NCS1: variants seen among roughly 807,000 people sequenced by gnomAD.
The protein encoded by NCS1 is neuronal calcium sensor 1, also known as frequenin homolog.
A neutral mutation model predicts 28.4 loss-of-function variants in NCS1; 6 were observed. The ratio of observed to expected loss-of-function variants is 0.21; its 90% CI spans 0.12 to 0.42. The LOEUF is 0.42. Among genes scored for constraint, NCS1 ranks in the 10% least tolerant of loss-of-function variants. The pLI is 1.00. For synonymous variants in NCS1, 86 were observed against 99.3 expected, an observed-to-expected ratio of 0.87 and a Z score of 0.79; for missense variants, 131 against 241.4, an observed-to-expected ratio of 0.54 and a Z score of 3.03.
Position 130,226,987 on chromosome 9 carries a change from C to T in NCS1, c.*17+483C>T, listed in dbSNP as rs376669161. ...GCAGTGAGCCGAGATCGTGCCACTG[C>T]ACTCCAGCCTGGGTAACAGAGTGAG... On this transcript the variant is annotated intron_variant, in intron 7 of 7. Transcript: ENST00000372398. This position sits in a 1 kb window ranked among gnomAD's most constrained non-coding sequence, Gnocchi z 4.8. 7.1e-6 allele frequency among the ~76,000 whole-genome samples: 1 copy of T among 141,508 alleles called. No individual in the cohort carries two copies. Among genetic ancestry groups the T allele is most frequent in the East Asian group, 2.1e-4 (1 of 4,862 alleles). 92.8% of individuals were successfully genotyped at this position (141,508 alleles called of 152,430 possible).
Position 130,183,303 on chromosome 9 carries a change from G to A in NCS1, c.64+10576G>A, listed in dbSNP as rs1471701882. 5.2e-5 allele frequency among the ~76,000 whole-genome samples: 7 copies of A among 135,278 alleles called. No homozygotes were observed. The East Asian group carries it at 8.4e-4, about 16-fold the overall frequency. 88.7% of individuals were successfully genotyped at this position (135,278 alleles called of 152,430 possible). A position where few individuals can be genotyped will look rare whatever the true frequency, so the allele number is the denominator to read the frequency against. On this transcript the variant is annotated intron_variant, in intron 1 of 7. Coordinates refer to ENST00000372398, the MANE Select transcript of NCS1 (RefSeq NM_014286.4). ...TCAGCTCCGGGTGCCCTGACCATGC[G>A]GCTGGGGGGGGGAGCTCCTTGCCCA...
chr9:130,208,821 A>G (rs1833068433), intron 2 of NCS1, among the ~76,000 whole-genome samples: 1 of 152,140 alleles, frequency 6.6e-6, no homozygotes, highest in South Asian at 2.1e-4. Context: ...CCCATTTTAC[A>G]GATGAAGAGA....
At chr9:130,221,066 C>T (rs879984174) in intron 4 of NCS1, among the ~76,000 whole-genome samples, 2 of 152,028 alleles carry the variant, frequency 1.3e-5, no homozygotes, top group African/African-American at 2.4e-5. Flanking sequence ...CTCTGTTGCT[C>T]AGGCTGGAGT....
intron 2 of NCS1, among the ~76,000 whole-genome samples, chr9:130,202,856 A>G (rs1184733759): frequency 1.3e-5 from 2 of 152,172 alleles, no homozygotes; most frequent in Non-Finnish European, 1.5e-5. Flanking sequence ...CTGGGATTAC[A>G]GGAGTGAGCC....
intron 2 of NCS1, among the ~76,000 whole-genome samples, chr9:130,201,884 C>T (rs1246077921): frequency 2.6e-5 from 4 of 152,318 alleles, no homozygotes; most frequent in Admixed American, 6.5e-5. Context: ...GCCCTAGAAA[C>T]ACCCTCCTTC....
chr9:130,176,072 C>A (rs1832559997), intron 1 of NCS1, among the ~76,000 whole-genome samples: 1 of 152,100 alleles, frequency 6.6e-6, no homozygotes, highest in South Asian at 2.1e-4. Flanking sequence ...AGTGTGGGGC[C>A]TGATATGTGG....
At position 130,191,379 on chromosome 9, in the gene NCS1, C is replaced by T. The variant is rs1832814404; in HGVS notation, c.65-9579C>T. Reference sequence around the variant, plus strand: ...TCCGGGGCCAGGGACTCCATCTACTCGCCATTCCTGAAGACAGGCTGGGAG... The same window carrying T: ...TCCGGGGCCAGGGACTCCATCTACTTGCCATTCCTGAAGACAGGCTGGGAG... On this transcript the variant is annotated intron_variant, in intron 1 of 7. Coordinates refer to ENST00000372398, the MANE Select transcript of NCS1 (RefSeq NM_014286.4). The surrounding 1 kb of genome is among the most constrained non-coding windows in gnomAD (Gnocchi z 6.4). Among the ~76,000 whole-genome samples, 3 of 152,154 alleles carry T rather than the reference C, an allele frequency of 2.0e-5. No homozygotes were observed. Among genetic ancestry groups the T allele is most frequent in the African/African-American group, 2.4e-5 (1 of 41,448 alleles).
Position 130,209,831 on chromosome 9 carries a change from A to G in NCS1, c.90-8001A>G, listed in dbSNP as rs2131143317. 6.6e-6 allele frequency among the ~76,000 whole-genome samples: 1 copy of G among 152,176 alleles called. No individual in the cohort carries two copies. Among genetic ancestry groups the G allele is most frequent in the East Asian group, 1.9e-4 (1 of 5,178 alleles). ...CCTGTCTCGTGGAGCTGGTTCCCAA[A>G]CACAGTCAACCATATCAGAAACCTC... On this transcript the variant is annotated intron_variant, in intron 2 of 7. Transcript: ENST00000372398. This position sits in a 1 kb window ranked among gnomAD's most constrained non-coding sequence, Gnocchi z 4.4.
rs782427758 is a variant in NCS1, at chr9:130,217,876, C to T, written c.134C>T (p.Ala45Val). The T allele has an allele frequency of 3.1e-5, 50 of 1,613,998 alleles. No homozygotes were observed. The highest frequency in any genetic ancestry group is 6.6e-5 in the South Asian group (6 of 91,090). ...GACTGCCCCAGTGGGCAGCTGGATGCGGCAGGCTTCCAGAAGATCTACAAG... is the reference window on the plus strand; with the variant it reads ...GACTGCCCCAGTGGGCAGCTGGATGTGGCAGGCTTCCAGAAGATCTACAAG... ...IKDCPSGQLD[A>V]AGFQKIYKQF... Residue 45 changes from alanine (A) to valine (V), a missense_variant, in exon 3 of 8, where the codon GCG (alanine) becomes GTG (valine). Coordinates refer to ENST00000372398, the MANE Select transcript of NCS1 (RefSeq NM_014286.4).
chr9:130,182,495 C>T (rs1383415433), intron 1 of NCS1, among the ~76,000 whole-genome samples: 1 of 152,240 alleles, frequency 6.6e-6, no homozygotes, highest in Non-Finnish European at 1.5e-5. Context: ...GGTTCTGCCT[C>T]CTGCAGGAGA....
At chr9:130,224,921 G>C (rs757780023) in intron 6 of NCS1, among the ~76,000 whole-genome samples, 4 of 152,192 alleles carry the variant, frequency 2.6e-5, no homozygotes, top group Non-Finnish European at 4.4e-5. Flanking sequence ...GTCAGGTGCG[G>C]TGGCTCACAC....
At chr9:130,199,853 C>T (rs1163102342) in intron 1 of NCS1, among the ~76,000 whole-genome samples, 3 of 152,214 alleles carry the variant, frequency 2.0e-5, no homozygotes, top group Admixed American at 2.0e-4. Flanking sequence ...AGTTCCTTTA[C>T]TCATCTGACC....
At chr9:130,188,373 C>T (rs1832767588) in intron 1 of NCS1, among the ~76,000 whole-genome samples, 1 of 152,078 alleles carries the variant, frequency 6.6e-6, no homozygotes, top group Admixed American at 6.6e-5. Flanking sequence ...CGCCTGACCC[C>T]CTAGGCTAGG....
chr9:130,200,708 T>TGCC, intron 1 of NCS1: 1 of 1,524,602 alleles, frequency 6.6e-7, no homozygotes, highest in Non-Finnish European at 8.9e-7. Flanking sequence ...GCAGCGGCAG[T>TGCC]GGCAGTGGCA....
chr9:130,201,532 G>A (rs1291333613), intron 2 of NCS1, among the ~76,000 whole-genome samples: 2 of 152,166 alleles, frequency 1.3e-5, no homozygotes, highest in Non-Finnish European at 2.9e-5. Context: ...TGGATGAGCA[G>A]TGCCAGGGCT....
At chr9:130,224,166 G>C (rs547859254) in intron 6 of NCS1, among the ~76,000 whole-genome samples, 22 of 148,172 alleles carry the variant, frequency 1.5e-4, no homozygotes, top group Non-Finnish European at 2.8e-4. Context: ...TCTTTAAAGG[G>C]AACCAAAGCC....
chr9:130,218,316 C>T (rs990054708), intron 3 of NCS1, among the ~76,000 whole-genome samples: 10 of 152,210 alleles, frequency 6.6e-5, no homozygotes, highest in African/African-American at 2.4e-4. Context: ...GGAGATGCAG[C>T]CACACACGTG....
In NCS1 at chr9:130,223,175, G is replaced by A. The variant is rs1554910859; in HGVS notation, c.474+16G>A. The A allele has an allele frequency of 1.9e-6, 3 of 1,605,278 alleles. No homozygotes were observed. Among genetic ancestry groups the A allele is most frequent in the East Asian group, 2.2e-5 (1 of 44,804 alleles). The stretch of plus-strand genomic sequence containing the variant: ...GATGGATAAGGTGAGGTGGGGGGGC[G>A]GGGCTGGTCCTGGACCAGGGAGGCA... On this transcript the variant is annotated intron_variant, in intron 6 of 7. Coordinates refer to ENST00000372398, the MANE Select transcript of NCS1 (RefSeq NM_014286.4).
chr9:130,211,567 G>A (rs1209732129), intron 2 of NCS1, among the ~76,000 whole-genome samples: 2 of 151,738 alleles, frequency 1.3e-5, no homozygotes, highest in African/African-American at 4.8e-5. Flanking sequence ...GTCCGCGGAG[G>A]ACTTTCGGCT....
Sources: gnomAD v4.1 joint callset for allele counts (sites outside exome capture counted in the v4.1 genomes callset) on GRCh38, gnomAD v4.1.1 for gene constraint, Gnocchi (gnomAD v3.1) non-coding constraint, MANE v1.5 for transcripts, NCBI Gene and HGNC (gene_info 2026-07-23, HGNC 2026-07-21) for gene names.